The following SNRPN variants were observed in gnomAD, a reference collection of about 807,000 sequenced individuals.
The protein encoded by SNRPN is small nuclear ribonucleoprotein polypeptide N.
SNRPN carries 7 observed loss-of-function variants against 25.2 expected under a neutral mutation model. That is an observed-to-expected ratio of 0.28 (90% CI 0.16 to 0.52). SNRPN has a LOEUF of 0.52. Among genes scored for constraint, SNRPN ranks in the 20% least tolerant of loss-of-function variants. The pLI is 0.96. For missense variants in SNRPN, 196 were observed against 322.5 expected (o/e 0.61, Z 3.00); for synonymous variants, 124 against 110.6 (o/e 1.12, Z -0.76).
intron 2 of SNRPN, among the ~76,000 whole-genome samples, chr15:24,907,714 G>A (rs1197991182): frequency 6.6e-6 from 1 of 151,958 alleles, no homozygotes; most frequent in Non-Finnish European, 1.5e-5. Flanking sequence ...CCAAAATGCT[G>A]GCACTATAGG....
chr15:24,845,278 A>C (rs1409569628), intron 2 of SNRPN, among the ~76,000 whole-genome samples: 1 of 152,204 alleles, frequency 6.6e-6, no homozygotes, highest in Non-Finnish European at 1.5e-5. Flanking sequence ...ATACCACACT[A>C]TCTTGACTAA....
At chr15:24,847,182 C>A (rs2052279279) in intron 2 of SNRPN, among the ~76,000 whole-genome samples, 1 of 152,032 alleles carries the variant, frequency 6.6e-6, no homozygotes, top group Non-Finnish European at 1.5e-5. Flanking sequence ...AAAATACCTG[C>A]TACACTGTGG....
intron 2 of SNRPN, among the ~76,000 whole-genome samples, chr15:24,904,524 G>A (rs941607991): frequency 1.6e-4 from 24 of 151,834 alleles, no homozygotes; most frequent in African/African-American, 3.6e-4. Flanking sequence ...GCATGGTGCC[G>A]CGCGCCTGTA....
upstream of SNRPN, chr15:24,954,889 C>G: frequency 5.8e-6 from 6 of 1,039,252 alleles, no homozygotes; most frequent in Non-Finnish European, 7.1e-6. Context: ...CCCTGCACTG[C>G]GGCAAACAAG....
chr15:24,935,809 G>T (rs1158953487), intron 3 of SNRPN, among the ~76,000 whole-genome samples: 2 of 152,066 alleles, frequency 1.3e-5, no homozygotes, highest in African/African-American at 2.4e-5. Flanking sequence ...ACTCTTTGGG[G>T]CCAGACAGAG....
At chr15:24,842,798 A>T (rs746231756) in intron 2 of SNRPN, among the ~76,000 whole-genome samples, 14 of 152,160 alleles carry the variant, frequency 9.2e-5, no homozygotes, top group Admixed American at 2.6e-4. Flanking sequence ...AGAAAATGGG[A>T]ATAATTGAAT....
chr15:24,961,447 T>A (rs2074791786), intron 1 of SNRPN, among the ~76,000 whole-genome samples: 1 of 152,180 alleles, frequency 6.6e-6, no homozygotes, highest in African/African-American at 2.4e-5. Context: ...TCATAGGTGG[T>A]TTCTGCAGTC....
At chr15:24,846,250 C>T (rs768390617) in intron 2 of SNRPN, among the ~76,000 whole-genome samples, 3 of 152,110 alleles carry the variant, frequency 2.0e-5, no homozygotes, top group Non-Finnish European at 4.4e-5. Context: ...AAGTATATCA[C>T]GTTTTTATGC....
intron 1 of SNRPN, among the ~76,000 whole-genome samples, chr15:24,885,614 A>G (rs1479065799): frequency 6.6e-6 from 1 of 151,990 alleles, no homozygotes; most frequent in Non-Finnish European, 1.5e-5. Context: ...TCTCTGCAAC[A>G]TTGTATCATT....
At chr15:24,943,826 T>C (rs1000889551) in intron 3 of SNRPN, among the ~76,000 whole-genome samples, 1 of 151,962 alleles carries the variant, frequency 6.6e-6, no homozygotes, top group African/African-American at 2.4e-5. Flanking sequence ...TTTTTTTTAA[T>C]TTTTTTATTT....
At chr15:24,843,886 T>C (rs1008528651) in intron 2 of SNRPN, among the ~76,000 whole-genome samples, 2 of 151,202 alleles carry the variant, frequency 1.3e-5, no homozygotes, top group Non-Finnish European at 2.9e-5. Flanking sequence ...GGCATGAGAA[T>C]AGCTTGAACC....
intron 2 of SNRPN, among the ~76,000 whole-genome samples, chr15:24,901,007 G>A (rs962494839): frequency 6.6e-6 from 1 of 152,156 alleles, no homozygotes; most frequent in Non-Finnish European, 1.5e-5. Context: ...GAGATCAGAG[G>A]ATCACTTGAG....
chr15:24,978,509 G>A lies in SNRPN; in HGVS notation c.*65G>A, dbSNP rs537311445. 38 of 1,439,374 alleles carry A rather than the reference G, an allele frequency of 2.6e-5. 1 individual carries two copies. Among genetic ancestry groups the A allele is most frequent in the Admixed American group, 1.9e-4 (11 of 59,418 alleles). The allele number at this position is 1,439,374 out of a possible 1,614,324, so 89.2% of individuals were successfully genotyped here. On this transcript the variant is annotated 3_prime_UTR_variant, in exon 10 of 10. Coordinates refer to ENST00000390687, the MANE Select transcript of SNRPN (RefSeq NM_003097.6). Reference sequence around the variant, plus strand: ...TGCGTCTTGTGAAATTGTGTAGAGTGTTTGTGAGCTTTTTGTTCCCTCATT... The same window carrying A: ...TGCGTCTTGTGAAATTGTGTAGAGTATTTGTGAGCTTTTTGTTCCCTCATT...
intron 2 of SNRPN, among the ~76,000 whole-genome samples, chr15:24,841,362 C>CCAGAGCCACCTG (rs888675874): frequency 9.2e-5 from 14 of 151,952 alleles, no homozygotes; most frequent in Non-Finnish European, 1.6e-4. Flanking sequence ...AGGGTGGGAA[C>CCAGAGCCACCTG]CAGAGCCACC....
At chr15:24,908,847 A>G (rs2059027987) in intron 2 of SNRPN, 5 of 592,364 alleles carry the variant, frequency 8.4e-6, no homozygotes, top group Non-Finnish European at 1.4e-5. Context: ...AAGCTTTTTA[A>G]TCTTTTTTTC....
intron 1 of SNRPN, among the ~76,000 whole-genome samples, chr15:24,884,037 C>T (rs1217081697): frequency 6.8e-6 from 1 of 147,494 alleles, no homozygotes; most frequent in East Asian, 2.0e-4. Flanking sequence ...TAGGGCTGGG[C>T]ATGGTGGCTC....
chr15:24,830,822 C>A (rs1566801722), intron 2 of SNRPN, among the ~76,000 whole-genome samples: 1 of 152,144 alleles, frequency 6.6e-6, no homozygotes, highest in South Asian at 2.1e-4. Context: ...TAAATGGTTT[C>A]AGGTGTGTTT....
chr15:24,834,751 C>CTCTCTCTCTCTCTCTCTATATATA, intron 2 of SNRPN, among the ~76,000 whole-genome samples: 17 of 60,950 alleles, frequency 2.8e-4, no homozygotes, highest in African/African-American at 4.7e-4. Context: ...CTCTCTCTCT[C>CTCTCTCTCTCTCTCTCTATATATA]TATATATATA....
At chr15:24,973,445 T>C (rs972756723) in intron 3 of SNRPN, among the ~76,000 whole-genome samples, 2 of 152,154 alleles carry the variant, frequency 1.3e-5, no homozygotes, top group African/African-American at 4.8e-5. Context: ...TTGCCCAGGC[T>C]GGAGTGCAGT....
Sources: allele counts gnomAD v4.1 joint callset (sites outside exome capture counted in the v4.1 genomes callset), GRCh38; gene constraint gnomAD v4.1.1; transcripts MANE v1.5; gene names NCBI Gene and HGNC (gene_info 2026-07-23, HGNC 2026-07-21).